Variants in DIS3L2 observed in about 807,000 individuals in gnomAD.
DIS3L2 encodes the protein DIS3 like 3'-5' exoribonuclease 2.
DIS3L2 carries 34 observed loss-of-function variants against 97.5 expected under a neutral mutation model. The observed-to-expected ratio is 0.35, with a 90% CI of 0.27 to 0.46. The LOEUF (loss-of-function observed/expected upper bound fraction) is 0.46. Among genes scored for constraint, DIS3L2 ranks in the 20% least tolerant of loss-of-function variants. DIS3L2 has a pLI of 1.00. For missense variants in DIS3L2, 1,038 were observed against 1,146.0 expected, an observed-to-expected ratio of 0.91 and a Z score of 1.36; for synonymous variants, 435 against 445.2, an observed-to-expected ratio of 0.98 and a Z score of 0.29.
At chr2:232,088,136 C>G (rs1381180029) in intron 6 of DIS3L2, among the ~76,000 whole-genome samples, 7 of 152,212 alleles carry the variant, frequency 4.6e-5, no homozygotes, top group Non-Finnish European at 5.9e-5. Context: ...CACAGTGGCT[C>G]ACGCCTGTAA....
intron 10 of DIS3L2, among the ~76,000 whole-genome samples, chr2:232,237,705 T>C (rs1411190126): frequency 2.9e-5 from 3 of 104,470 alleles, no homozygotes; most frequent in Non-Finnish European, 3.9e-5. Flanking sequence ...GGTGGGGAGT[T>C]GGAGGAGACA....
chr2:232,316,629 A>G (rs763232225), intron 14 of DIS3L2, among the ~76,000 whole-genome samples: 4 of 152,124 alleles, frequency 2.6e-5, no homozygotes, highest in African/African-American at 4.8e-5. Context: ...CAGGAGGCAC[A>G]CTTGGGTTCC....
chr2:232,055,185 G>A (rs1695512321), intron 5 of DIS3L2, among the ~76,000 whole-genome samples: 1 of 152,334 alleles, frequency 6.6e-6, no homozygotes, highest in East Asian at 1.9e-4. Flanking sequence ...GGAATGAAGC[G>A]AGGATGCTCA....
chr2:232,024,938 T>C (rs1277284287), intron 4 of DIS3L2, among the ~76,000 whole-genome samples: 1 of 152,168 alleles, frequency 6.6e-6, no homozygotes, highest in African/African-American at 2.4e-5. Context: ...TAGAGAAGGT[T>C]TGATTGAGCA....
intron 8 of DIS3L2, among the ~76,000 whole-genome samples, chr2:232,145,094 A>G (rs1402828910): frequency 6.6e-6 from 1 of 152,190 alleles, no homozygotes; most frequent in Admixed American, 6.5e-5. Flanking sequence ...GTTTCTGCTT[A>G]ATTTCACCCA....
chr2:232,336,675 CCACA>C lies in DIS3L2; in HGVS notation c.*47_*50del. The C allele has an allele frequency of 6.3e-7, 1 of 1,575,820 alleles. No individual in the cohort carries two copies. Among genetic ancestry groups the C allele is most frequent in the African/African-American group, 1.3e-5 (1 of 74,416 alleles). On this transcript the variant is annotated 3_prime_UTR_variant, in exon 21 of 21. Transcript: ENST00000325385. ...CCGCCTGCCCCGCCTGCCTGTCCCG[CCACA>C]CTGGCTTTAGGACCTGTTGACACGG... is the stretch of plus-strand genomic sequence containing the variant.
At chr2:232,092,948 T>C (rs187561731) in intron 6 of DIS3L2, among the ~76,000 whole-genome samples, 14 of 152,274 alleles carry the variant, frequency 9.2e-5, no homozygotes, top group Middle Eastern at 6.8e-3. Context: ...GTAGTGACAG[T>C]GGGTATTCTT....
At chr2:232,262,231 A>G (rs1348345591) in intron 12 of DIS3L2, among the ~76,000 whole-genome samples, 2 of 151,740 alleles carry the variant, frequency 1.3e-5, no homozygotes, top group Non-Finnish European at 2.9e-5. Context: ...TCCACCTCCA[A>G]ACGGCCCAGG....
chr2:232,341,950 C>T (rs372503724), downstream of DIS3L2, among the ~76,000 whole-genome samples: 1 of 152,346 alleles, frequency 6.6e-6, no homozygotes, highest in South Asian at 2.1e-4. Context: ...AAGCCAGGCC[C>T]GCTGAGGCCT....
intron 1 of DIS3L2, among the ~76,000 whole-genome samples, chr2:232,006,988 G>T (rs540493301): frequency 6.6e-6 from 1 of 152,308 alleles, no homozygotes; most frequent in East Asian, 1.9e-4. Context: ...ATTAAAGAGT[G>T]TGTAATGGGG....
At chr2:232,051,546 C>G (rs1358173115) in intron 5 of DIS3L2, among the ~76,000 whole-genome samples, 2 of 152,118 alleles carry the variant, frequency 1.3e-5, no homozygotes, top group Non-Finnish European at 2.9e-5. Context: ...GGCGCGGTGG[C>G]TCACGCCTGT....
intron 10 of DIS3L2, among the ~76,000 whole-genome samples, chr2:232,230,867 T>A (rs760677336): frequency 6.6e-6 from 1 of 152,124 alleles, no homozygotes; most frequent in Non-Finnish European, 1.5e-5. Context: ...ACTTCTTCCC[T>A]GCTTTCCAGC....
chr2:232,043,558 C>T (rs1695162958), intron 5 of DIS3L2, among the ~76,000 whole-genome samples: 1 of 152,174 alleles, frequency 6.6e-6, no homozygotes, highest in African/African-American at 2.4e-5. Flanking sequence ...TTCAATATTG[C>T]TTACTACAAA....
At chr2:232,205,801 C>T (rs1180456248) in intron 9 of DIS3L2, among the ~76,000 whole-genome samples, 1 of 152,122 alleles carries the variant, frequency 6.6e-6, no homozygotes, top group East Asian at 1.9e-4. Flanking sequence ...TTATTTTGTA[C>T]AGCAGACAGT....
rs746353103 is a variant in DIS3L2, at chr2:232,268,046, T to G, written c.1659+4606T>G. On this transcript the variant is annotated intron_variant, in intron 13 of 20. Coordinates refer to ENST00000325385, the MANE Select transcript of DIS3L2 (RefSeq NM_152383.5). The surrounding 1 kb of genome is among the most constrained non-coding windows in gnomAD (Gnocchi z 4.1). The stretch of plus-strand genomic sequence containing the variant: ...GGCAGTACCCAGAAGCCACTCTGTT[T>G]GAGGGCTTCCATGTAAAATAAGCAT... 1.3e-5 allele frequency among the ~76,000 whole-genome samples: 2 copies of G among 152,202 alleles called. No homozygotes were observed. Among genetic ancestry groups the G allele is most frequent in the African/African-American group, 2.4e-5 (1 of 41,450 alleles).
At chr2:232,219,438 A>G (rs1181285179) in intron 10 of DIS3L2, among the ~76,000 whole-genome samples, 2 of 151,784 alleles carry the variant, frequency 1.3e-5, no homozygotes, top group African/African-American at 4.8e-5. Flanking sequence ...CTTTATTTCC[A>G]TGTACTTCTG....
chr2:232,211,718 A>T (rs189458398), intron 10 of DIS3L2, among the ~76,000 whole-genome samples: 56 of 152,358 alleles, frequency 3.7e-4, no homozygotes, highest in South Asian at 8.3e-4. Context: ...CCGTAGGTTC[A>T]GTATGTAATC....
chr2:232,052,012 G>A (rs150235023), intron 5 of DIS3L2, among the ~76,000 whole-genome samples: 11 of 150,308 alleles, frequency 7.3e-5, no homozygotes, highest in Non-Finnish European at 1.3e-4. Flanking sequence ...TTTTGGATTT[G>A]TTTTCATCTT....
At chr2:232,107,086 TC>T (rs1349401431) in intron 6 of DIS3L2, among the ~76,000 whole-genome samples, 1 of 152,160 alleles carries the variant, frequency 6.6e-6, no homozygotes, top group East Asian at 1.9e-4. Context: ...ATCCAGTATC[TC>T]TGGGATGCAA....
Sources: allele counts gnomAD v4.1 joint callset (sites outside exome capture counted in the v4.1 genomes callset), GRCh38; gene constraint gnomAD v4.1.1; non-coding constraint Gnocchi (gnomAD v3.1); transcripts MANE v1.5; gene names NCBI Gene and HGNC (gene_info 2026-07-23, HGNC 2026-07-21).